DYNC2I1: variants seen among roughly 807,000 people sequenced by gnomAD.
DYNC2I1 encodes cytoplasmic dynein 2 intermediate chain 1.
Under a neutral mutation model 133.4 loss-of-function variants are expected in DYNC2I1, and 89 were observed. That is an observed-to-expected ratio of 0.67 (90% CI 0.56 to 0.80). DYNC2I1 has a LOEUF of 0.80. DYNC2I1 is among the 30% of genes least tolerant of loss of function. DYNC2I1 has a pLI of 0.00. For missense variants in DYNC2I1, 1,291 were observed against 1,314.5 expected (o/e 0.98, Z 0.28); for synonymous variants, 504 against 484.3 (o/e 1.04, Z -0.54).
At position 158,876,761 on chromosome 7, in the gene DYNC2I1, G is replaced by C; in HGVS notation, c.573+70G>C. On this transcript the variant is annotated intron_variant, in intron 4 of 24. Transcript: ENST00000407559. ...AGTAAAGGATGTTTTAAGCATTATT[G>C]TTGGAAGCATTTTTAGAAAATGTCC... The C allele has an allele frequency of 2.0e-6, 3 of 1,468,008 alleles. No homozygotes were observed. In the South Asian group the frequency reaches 4.4e-5, roughly 22 times the overall value. 90.9% of individuals were successfully genotyped at this position (1,468,008 alleles called of 1,614,324 possible). A position where few individuals can be genotyped will look rare whatever the true frequency, so the allele number is the denominator to read the frequency against.
intron 1 of DYNC2I1, among the ~76,000 whole-genome samples, chr7:158,869,173 G>A (rs1842663029): frequency 6.6e-6 from 1 of 152,070 alleles, no homozygotes; most frequent in African/African-American, 2.4e-5. Context: ...TGGCTGTGAG[G>A]GACCCCTCTG....
intron 15 of DYNC2I1, among the ~76,000 whole-genome samples, chr7:158,921,082 C>T (rs10250767): frequency 0.17 from 26,478 of 152,150 alleles, 2,561 homozygotes; most frequent in African/African-American, 0.24. Flanking sequence ...ACTTGTGTTT[C>T]GCTGGGTCAA....
chr7:158,915,052 C>T (rs1308824359), intron 14 of DYNC2I1, among the ~76,000 whole-genome samples: 21 of 152,182 alleles, frequency 1.4e-4, no homozygotes, highest in Middle Eastern at 3.4e-3. Context: ...AACCTCAACA[C>T]GCTAGTTGAG....
chr7:158,860,587 A>G (rs1040326809), intron 1 of DYNC2I1, among the ~76,000 whole-genome samples: 6 of 152,314 alleles, frequency 3.9e-5, no homozygotes, highest in African/African-American at 1.4e-4. Flanking sequence ...AGCTCTTTCA[A>G]AACTCTTTAA....
chr7:158,936,696 C>A (rs1038527680), intron 23 of DYNC2I1, among the ~76,000 whole-genome samples: 1 of 152,208 alleles, frequency 6.6e-6, no homozygotes, highest in Non-Finnish European at 1.5e-5. Flanking sequence ...ATCAGAGTGG[C>A]CGCTCATAGC....
At chr7:158,886,580 G>A (rs2129480634) in intron 6 of DYNC2I1, among the ~76,000 whole-genome samples, 1 of 152,278 alleles carries the variant, frequency 6.6e-6, no homozygotes, top group East Asian at 1.9e-4. Flanking sequence ...AATAAAACAT[G>A]CTTTGCTAAC....
At chr7:158,869,565 TC>T in intron 1 of DYNC2I1, 2 of 516,772 alleles carry the variant, frequency 3.9e-6, no homozygotes, top group South Asian at 3.2e-5. Flanking sequence ...TATTTGTCCT[TC>T]CTCTGTTGTT....
downstream of DYNC2I1, among the ~76,000 whole-genome samples, chr7:158,949,257 CAT>C (rs1233142177): frequency 1.3e-5 from 2 of 152,284 alleles, no homozygotes; most frequent in Non-Finnish European, 2.9e-5. Flanking sequence ...CATAGTCACA[CAT>C]AGTCACACAC....
intron 19 of DYNC2I1, among the ~76,000 whole-genome samples, 192 bp downstream of exon 19, chr7:158,926,655 C>T (rs1292434220): frequency 6.6e-6 from 1 of 152,176 alleles, no homozygotes; most frequent in Admixed American, 6.5e-5. Flanking sequence ...CCTTTCGTGA[C>T]AGTGAAATAG....
Position 158,945,455 on chromosome 7 carries a change from T to G in DYNC2I1, c.3003-126T>G. 2 of 1,063,994 alleles carry G rather than the reference T, an allele frequency of 1.9e-6. No individual in the cohort carries two copies. The highest frequency in any genetic ancestry group is 1.3e-6 in the Non-Finnish European group (1 of 753,664). The allele number at this position is 1,063,994 out of a possible 1,614,324, so 65.9% of individuals were successfully genotyped here. On this transcript the variant is annotated intron_variant, in intron 24 of 24. Coordinates refer to ENST00000407559, the MANE Select transcript of DYNC2I1 (RefSeq NM_018051.5). This position sits in a 1 kb window ranked among gnomAD's most constrained non-coding sequence, Gnocchi z 4.1. ...TCTGGTCTAGCTTTCATTTTGGCTA[T>G]TGGTATTTTTAGAATTTCTCATCCG...
intron 20 of DYNC2I1, among the ~76,000 whole-genome samples, chr7:158,929,020 C>T (rs1849916405): frequency 6.6e-6 from 1 of 152,196 alleles, no homozygotes; most frequent in Non-Finnish European, 1.5e-5. Context: ...TTTTGTAGTA[C>T]ATGATGGTCA....
Position 158,934,443 on chromosome 7 carries a change from A to G in DYNC2I1, c.2672A>G (p.Gln891Arg), listed in dbSNP as rs201316666. Residue 891 changes from glutamine to arginine, a missense_variant, in exon 23 of 25, where the codon CAA (glutamine) becomes CGA (arginine). Transcript: ENST00000407559. ...GGTCTCATAAGCCATGGCACAAGAC[A>G]AGATTTGAGAGTGGCTCCCAAACTA... ...DMGLISHGTRQDLRVAPKLFK... is the reference protein window; with the variant it reads ...DMGLISHGTRRDLRVAPKLFK... 3.1e-6 allele frequency: 5 copies of G among 1,600,924 alleles called. No homozygotes were observed. In the African/African-American group the frequency reaches 6.7e-5, roughly 21 times the overall value.
At chr7:158,905,075 G>A (rs532693674) in intron 10 of DYNC2I1, 3 of 411,346 alleles carry the variant, frequency 7.3e-6, no homozygotes, top group South Asian at 5.4e-5. Context: ...GAGGTGGATT[G>A]AGGAATGACT....
downstream of DYNC2I1, among the ~76,000 whole-genome samples, chr7:158,950,225 G>A (rs564082323): frequency 5.3e-5 from 8 of 152,190 alleles, no homozygotes; most frequent in Non-Finnish European, 7.4e-5. Flanking sequence ...CACCACACTC[G>A]GCTGATTTTT....
chr7:158,914,301 T>A lies in DYNC2I1; in HGVS notation c.1771T>A (p.Phe591Ile). The A allele has an allele frequency of 1.2e-6, 2 of 1,612,264 alleles. No individual in the cohort carries two copies. The highest frequency in any genetic ancestry group is 1.7e-6 in the Non-Finnish European group (2 of 1,179,078). The change falls in exon 14 of 25, where the codon TTT (phenylalanine) becomes ATT (isoleucine). Residue 591 changes from phenylalanine to isoleucine, a missense_variant. Physicochemically the swap from Phe to Ile is conservative, Grantham distance 21. Coordinates refer to ENST00000407559, the MANE Select transcript of DYNC2I1 (RefSeq NM_018051.5). ...PKIDTPRLCS[F>I]LRAACQVMAV... ...GATTGATACTCCAAGGTTATGTAGC[T>A]TTCTGCGGGCTGCTTGTCAGGTATA...
At chr7:158,854,228 A>G (rs1265452806), upstream of DYNC2I1, among the ~76,000 whole-genome samples, 1 of 152,178 alleles carries the variant, frequency 6.6e-6, no homozygotes, top group Non-Finnish European at 1.5e-5. Context: ...AGGTTTTACA[A>G]TAGTGATATT....
chr7:158,884,524 T>C (rs1844403270), intron 5 of DYNC2I1, 40 bp from the exon 6 acceptor site: 1 of 1,585,846 alleles, frequency 6.3e-7, no homozygotes, highest in Non-Finnish European at 8.6e-7. Context: ...CATTCCGATA[T>C]GCTAATAAAT....
rs569220264 is a variant in DYNC2I1 at position 158,945,332 on chromosome 7, C to T, written c.3003-249C>T. Among the ~76,000 whole-genome samples the T allele has an allele frequency of 1.3e-5, 2 of 152,246 alleles. No individual in the cohort carries two copies. The highest frequency in any genetic ancestry group is 1.9e-4 in the East Asian group (1 of 5,164). ...GGACCTGCTGGGGGCTACTGACTCC[C>T]GGCCTGAGGAGACAGCAGCACGTCC... On this transcript the variant is annotated intron_variant, in intron 24 of 24. Coordinates refer to ENST00000407559, the MANE Select transcript of DYNC2I1 (RefSeq NM_018051.5). This position sits in a 1 kb window ranked among gnomAD's most constrained non-coding sequence, Gnocchi z 4.1.
intron 4 of DYNC2I1, among the ~76,000 whole-genome samples, chr7:158,953,812 A>G (rs970422731): frequency 1.3e-5 from 2 of 151,930 alleles, no homozygotes; most frequent in African/African-American, 2.4e-5. Flanking sequence ...TATGCCTACA[A>G]ATTAGCTTGG....
Sources: allele counts gnomAD v4.1 joint callset (sites outside exome capture counted in the v4.1 genomes callset), GRCh38; gene constraint gnomAD v4.1.1; non-coding constraint Gnocchi (gnomAD v3.1); transcripts MANE v1.5; gene names NCBI Gene and HGNC (gene_info 2026-07-23, HGNC 2026-07-21).